EYS: variants seen among roughly 807,000 people sequenced by gnomAD.
EYS encodes the protein EGF-like photoreceptor maintenance factor.
EYS carries 250 observed loss-of-function variants against 282.1 expected under a neutral mutation model. That is an observed-to-expected ratio of 0.89 (90% CI 0.80 to 0.98). The LOEUF (loss-of-function observed/expected upper bound fraction) is 0.98, where lower values mean the gene tolerates loss of function less well. Ranked by LOEUF, EYS falls within the 50% of genes least tolerant of loss-of-function variation. The probability of loss-of-function intolerance (pLI) is 0.00; values close to 1 mark genes in which losing one functional copy is unlikely to be tolerated. For missense variants in EYS, 4,016 were observed against 3,709.0 expected, an observed-to-expected ratio of 1.08 and a Z score of -2.15; for synonymous variants, 1,355 against 1,282.9, an observed-to-expected ratio of 1.06 and a Z score of -1.20.
At chr6:63,954,623 C>T (rs974715052) in intron 35 of EYS, among the ~76,000 whole-genome samples, 1 of 152,112 alleles carries the variant, frequency 6.6e-6, no homozygotes, top group Admixed American at 6.5e-5. Context: ...CAGGGTAACG[C>T]TTATGCTGAT....
intron 19 of EYS, among the ~76,000 whole-genome samples, chr6:64,830,479 C>T (rs1163868622): frequency 6.6e-6 from 1 of 151,866 alleles, no homozygotes; most frequent in Non-Finnish European, 1.5e-5. Flanking sequence ...AAAGTCATAG[C>T]CTTACTAGGA....
chr6:64,975,268 T>C (rs1770440003), intron 14 of EYS, among the ~76,000 whole-genome samples: 2 of 151,760 alleles, frequency 1.3e-5, no homozygotes, highest in South Asian at 4.1e-4. Flanking sequence ...CCTGTATTAA[T>C]TTATGTGCAA....
rs1438645565 is a variant in EYS at position 65,495,348 on chromosome 6, T to C, written c.63A>G (p.Gly21=). ...LMVFHSSFIN[G]KTCRRQLVEE... ...CCACCAATTGCCGTCTACATGTTTT[T>C]CCATTTATGAAAGAGCTGTGAAAAA... The change falls in exon 4 of 43, where the codon GGA becomes GGG. Residue 21 remains glycine, a synonymous_variant. Transcript: ENST00000503581. 1.9e-6 allele frequency: 3 copies of C among 1,613,770 alleles called. No individual in the cohort carries two copies. The Admixed American group carries it at 5.0e-5, about 27-fold the overall frequency.
At chr6:65,351,727 T>C (rs1032382694) in intron 9 of EYS, among the ~76,000 whole-genome samples, 4 of 151,764 alleles carry the variant, frequency 2.6e-5, no homozygotes, top group African/African-American at 9.7e-5. Context: ...CTAATTTGGT[T>C]GTAACAGTAG....
intron 2 of EYS, among the ~76,000 whole-genome samples, chr6:65,570,558 T>C (rs1205416079): frequency 6.6e-6 from 1 of 152,102 alleles, no homozygotes; most frequent in African/African-American, 2.4e-5. Context: ...GGTTTATAGA[T>C]TGCTTGAACT....
At chr6:64,406,530 A>G (rs528709137) in intron 28 of EYS, among the ~76,000 whole-genome samples, 2 of 152,326 alleles carry the variant, frequency 1.3e-5, no homozygotes, top group East Asian at 3.9e-4. Context: ...CAGGCCTCCT[A>G]CAGAATGGGA....
At chr6:65,189,809 A>G (rs1194924190) in intron 12 of EYS, among the ~76,000 whole-genome samples, 1 of 151,818 alleles carries the variant, frequency 6.6e-6, no homozygotes, top group East Asian at 1.9e-4. Context: ...AGCATATGTG[A>G]CCATTTTGCA....
intron 1 of EYS, among the ~76,000 whole-genome samples, chr6:65,676,726 AGATTAAAGCTAGAT>A (rs1768614920): frequency 6.6e-6 from 1 of 151,844 alleles, no homozygotes; most frequent in Admixed American, 6.6e-5. Flanking sequence ...CCTTATTCTG[AGATTAAAGCTAGAT>A]TAAAAACACT....
At chr6:63,999,224 T>C in intron 33 of EYS, 41 bp from the exon 34 acceptor site, 1 of 1,388,436 alleles carries the variant, frequency 7.2e-7, no homozygotes, top group Non-Finnish European at 1.0e-6. Flanking sequence ...TATGTGTTTT[T>C]GGCAAGAAAG....
intron 30 of EYS, among the ~76,000 whole-genome samples, chr6:64,304,969 GAAGA>G (rs1769383312): frequency 6.6e-6 from 1 of 151,888 alleles, no homozygotes; most frequent in African/African-American, 2.4e-5. Context: ...AGCTAAAAAA[GAAGA>G]AAGAACAATC....
At chr6:64,101,394 G>A (rs1440236433) in intron 31 of EYS, among the ~76,000 whole-genome samples, 3 of 152,014 alleles carry the variant, frequency 2.0e-5, no homozygotes, top group Non-Finnish European at 4.4e-5. Flanking sequence ...GAATCAAAAA[G>A]CCTAATAACT....
At chr6:65,538,306 C>T (rs1768035675) in intron 2 of EYS, among the ~76,000 whole-genome samples, 1 of 152,036 alleles carries the variant, frequency 6.6e-6, no homozygotes. Context: ...GATTGTTGGA[C>T]AGTTCCAAGG....
intron 19 of EYS, among the ~76,000 whole-genome samples, chr6:64,882,530 C>A (rs527834607): frequency 6.6e-6 from 1 of 150,992 alleles, no homozygotes; most frequent in Non-Finnish European, 1.5e-5. Flanking sequence ...ATGTTGCTGT[C>A]GTTGACAAAA....
intron 22 of EYS, among the ~76,000 whole-genome samples, chr6:64,656,134 A>G (rs932415177): frequency 6.6e-6 from 1 of 152,168 alleles, no homozygotes; most frequent in African/African-American, 2.4e-5. Context: ...GATGAGCACC[A>G]TGGACAAGAT....
chr6:64,401,614 A>C (rs764297986), intron 28 of EYS, among the ~76,000 whole-genome samples: 1 of 151,958 alleles, frequency 6.6e-6, no homozygotes, highest in Non-Finnish European at 1.5e-5. Context: ...ATTACCCCAT[A>C]TATCTACAGA....
chr6:64,459,244 A>G (rs1166291275), intron 26 of EYS, among the ~76,000 whole-genome samples: 1 of 152,196 alleles, frequency 6.6e-6, no homozygotes, highest in Non-Finnish European at 1.5e-5. Flanking sequence ...ATACGTAAAG[A>G]ATATCATAGG....
intron 13 of EYS, among the ~76,000 whole-genome samples, chr6:65,015,511 G>A (rs1356928321): frequency 6.6e-6 from 1 of 152,094 alleles, no homozygotes; most frequent in Non-Finnish European, 1.5e-5. Context: ...TCCTTACAGA[G>A]AATCACATTG....
intron 22 of EYS, among the ~76,000 whole-genome samples, chr6:64,627,154 A>G (rs1422084291): frequency 6.6e-6 from 1 of 152,228 alleles, no homozygotes; most frequent in African/African-American, 2.4e-5. Flanking sequence ...TACAACATGC[A>G]GGTATTTTAT....
chr6:64,000,787 G>A (rs370000773), intron 33 of EYS, among the ~76,000 whole-genome samples: 3 of 151,940 alleles, frequency 2.0e-5, no homozygotes, highest in Non-Finnish European at 2.9e-5. Context: ...ATTATTCCAC[G>A]GCTGTTTTGG....
Sources: gnomAD v4.1 joint callset for allele counts (sites outside exome capture counted in the v4.1 genomes callset) on GRCh38, gnomAD v4.1.1 for gene constraint, MANE v1.5 for transcripts, NCBI Gene and HGNC (gene_info 2026-07-23, HGNC 2026-07-21) for gene names.